Variants in LHFPL3 observed in about 807,000 individuals in gnomAD.
LHFPL3 encodes the protein LHFPL tetraspan subfamily member 3 protein.
LHFPL3 carries 5 observed loss-of-function variants against 19.3 expected under a neutral mutation model. The observed-to-expected ratio is 0.26, with a 90% CI of 0.14 to 0.54. The LOEUF is 0.54. Among genes scored for constraint, LHFPL3 ranks in the 20% least tolerant of loss-of-function variants. The probability of loss-of-function intolerance (pLI) is 0.94; values close to 1 mark genes in which losing one functional copy is unlikely to be tolerated. For synonymous variants in LHFPL3, 133 were observed against 126.2 expected (o/e 1.05, Z -0.36); for missense variants, 249 against 307.4 (o/e 0.81, Z 1.42).
intron 1 of LHFPL3, among the ~76,000 whole-genome samples, chr7:104,350,454 T>G (rs942031751): frequency 6.6e-6 from 1 of 152,204 alleles, no homozygotes; most frequent in South Asian, 2.1e-4. Context: ...GGGACTAGTA[T>G]AGAGAGTCTA....
chr7:104,522,506 T>C (rs910123845), intron 1 of LHFPL3, among the ~76,000 whole-genome samples: 1 of 151,998 alleles, frequency 6.6e-6, no homozygotes, highest in African/African-American at 2.4e-5. Context: ...CTGCACATTG[T>C]GCACATGTAC....
At chr7:104,769,618 A>ACCCCCCC (rs1220178079) in intron 2 of LHFPL3, among the ~76,000 whole-genome samples, 2 of 148,052 alleles carry the variant, frequency 1.4e-5, no homozygotes, top group African/African-American at 2.5e-5. Flanking sequence ...AGCCCCCCCA[A>ACCCCCCC]CCCCCGACAG....
chr7:104,751,075 C>T (rs1455417710), intron 2 of LHFPL3, among the ~76,000 whole-genome samples: 3 of 136,786 alleles, frequency 2.2e-5, no homozygotes, highest in Non-Finnish European at 4.7e-5. Flanking sequence ...ACTTGTCCTC[C>T]TAAAACAACT....
At chr7:104,595,451 G>C (rs1014156812) in intron 1 of LHFPL3, among the ~76,000 whole-genome samples, 2 of 152,192 alleles carry the variant, frequency 1.3e-5, no homozygotes. Context: ...CAGAGAGGCA[G>C]CTGCCTATAT....
chr7:104,891,774 A>G (rs537790428), intron 2 of LHFPL3, among the ~76,000 whole-genome samples: 2 of 152,320 alleles, frequency 1.3e-5, no homozygotes, highest in East Asian at 3.9e-4. Context: ...TGCTGCTAGG[A>G]GCATTATTTG....
intron 1 of LHFPL3, among the ~76,000 whole-genome samples, chr7:104,477,576 C>A (rs1793046097): frequency 6.6e-6 from 1 of 151,922 alleles, no homozygotes; most frequent in African/African-American, 2.4e-5. Flanking sequence ...TAGAGGGGAA[C>A]AACACACACG....
At chr7:104,684,025 T>A (rs1412785500) in intron 1 of LHFPL3, among the ~76,000 whole-genome samples, 2 of 152,250 alleles carry the variant, frequency 1.3e-5, no homozygotes, top group African/African-American at 4.8e-5. Flanking sequence ...ATATCAGGAT[T>A]ACTTTTAAAA....
intron 1 of LHFPL3, among the ~76,000 whole-genome samples, chr7:104,385,393 TTG>T (rs34648970): frequency 7.5e-5 from 4 of 53,292 alleles, no homozygotes; most frequent in Admixed American, 2.9e-4. Flanking sequence ...GGCATTCTGA[TTG>T]ATATCTGAGC....
intron 1 of LHFPL3, among the ~76,000 whole-genome samples, chr7:104,614,680 C>CTTCCTTCCTTCCTTCTTTCTTTCT (rs767634683): frequency 1.1e-4 from 10 of 94,484 alleles, no homozygotes; most frequent in South Asian, 7.6e-4. Context: ...TCCTTCCTTC[C>CTTCCTTCCTTCCTTCTTTCTTTCT]TTCTTTCTTT....
At chr7:104,338,101 T>TTTTTC (rs1789868863) in intron 1 of LHFPL3, among the ~76,000 whole-genome samples, 1 of 134,626 alleles carries the variant, frequency 7.4e-6, no homozygotes, top group Non-Finnish European at 1.6e-5. Context: ...TTCTTTTTTT[T>TTTTTC]TTTTTTTTTT....
At chr7:104,687,733 A>G (rs1430836539) in intron 1 of LHFPL3, among the ~76,000 whole-genome samples, 1 of 152,238 alleles carries the variant, frequency 6.6e-6, no homozygotes, top group Non-Finnish European at 1.5e-5. Context: ...AAGCCAGAGC[A>G]TCTCAACAGG....
chr7:104,431,145 T>G (rs1791996003), intron 1 of LHFPL3, among the ~76,000 whole-genome samples: 1 of 146,700 alleles, frequency 6.8e-6, no homozygotes, highest in South Asian at 2.1e-4. Flanking sequence ...AACAGCTTTC[T>G]ATATTTGCTG....
rs1197469299 is a variant in LHFPL3 at position 104,328,850 on chromosome 7, T to C, written c.71T>C (p.Leu24Pro). ...AMLPAQEAAKLYHTNYVRNSR... is the reference protein window; with the variant it reads ...AMLPAQEAAKPYHTNYVRNSR... ...CTCCCGGCTCAGGAGGCTGCCAAGCTGTACCACACCAACTATGTGCGGAAC... is the reference window on the plus strand; with the variant it reads ...CTCCCGGCTCAGGAGGCTGCCAAGCCGTACCACACCAACTATGTGCGGAAC... The change falls in exon 1 of 3, where the codon CTG (leucine) becomes CCG (proline). Residue 24 changes from leucine to proline, a missense_variant. Transcript: ENST00000424859. The surrounding 1 kb of genome is among the most constrained non-coding windows in gnomAD (Gnocchi z 4.6). 1.3e-5 allele frequency: 21 copies of C among 1,614,156 alleles called. No homozygotes were observed. Among genetic ancestry groups the C allele is most frequent in the Non-Finnish European group, 1.8e-5 (21 of 1,180,016 alleles).
chr7:104,692,342 T>C (rs993631840), intron 1 of LHFPL3, among the ~76,000 whole-genome samples: 2 of 152,224 alleles, frequency 1.3e-5, no homozygotes, highest in African/African-American at 4.8e-5. Context: ...AAGAGCCAAA[T>C]GTTAATCACC....
rs77659357 is a variant in LHFPL3, at chr7:104,889,268, G to A, written c.683-16919G>A. On this transcript the variant is annotated intron_variant, in intron 2 of 2. Coordinates refer to ENST00000424859, the MANE Select transcript of LHFPL3 (RefSeq NM_199000.3). Reference sequence around the variant, plus strand: ...CAGCTTGTCTCCAGGGAGTAAGACCGGGTATGAGAAGGGATGAAGTGGGGT... The same window carrying A: ...CAGCTTGTCTCCAGGGAGTAAGACCAGGTATGAGAAGGGATGAAGTGGGGT... Among the ~76,000 whole-genome samples, 1,420 of 152,292 alleles carry A rather than the reference G, an allele frequency of 9.3e-3. 17 individuals carry two copies. Among genetic ancestry groups the A allele is most frequent in the African/African-American group, 0.032 (1,322 of 41,554 alleles).
At chr7:104,809,321 C>G (rs920806720) in intron 2 of LHFPL3, among the ~76,000 whole-genome samples, 1 of 152,156 alleles carries the variant, frequency 6.6e-6, no homozygotes, top group Non-Finnish European at 1.5e-5. Context: ...CTGAGACAGG[C>G]AGGGGTGGTA....
chr7:104,658,459 T>A (rs571776338), intron 1 of LHFPL3, among the ~76,000 whole-genome samples: 1 of 152,334 alleles, frequency 6.6e-6, no homozygotes, highest in East Asian at 1.9e-4. Flanking sequence ...TCAGAATTCC[T>A]ATAGATTGCA....
At position 104,420,554 on chromosome 7, in the gene LHFPL3, AT is replaced by A. The variant is rs71153195; in HGVS notation, c.445+91353del. 8.9e-4 allele frequency among the ~76,000 whole-genome samples: 100 copies of A among 112,700 alleles called. 1 individual carries two copies. Among genetic ancestry groups the A allele is most frequent in the African/African-American group, 2.7e-3 (81 of 30,044 alleles). 73.9% of individuals were successfully genotyped at this position (112,700 alleles called of 152,430 possible). ...TTACTGGTGGCCTCCCAAAGGGTGA[AT>A]TTTTTTTTTTTTTTTTTTTTTTGAG... On this transcript the variant is annotated intron_variant, in intron 1 of 2. Transcript: ENST00000424859.
chr7:104,415,505 A>C (rs569476367), intron 1 of LHFPL3, among the ~76,000 whole-genome samples: 1 of 152,142 alleles, frequency 6.6e-6, no homozygotes, highest in South Asian at 2.1e-4. Flanking sequence ...AAAATTAATA[A>C]TATTATATAA....
Sources: allele counts gnomAD v4.1 joint callset (sites outside exome capture counted in the v4.1 genomes callset), GRCh38; gene constraint gnomAD v4.1.1; non-coding constraint Gnocchi (gnomAD v3.1); transcripts MANE v1.5; gene names NCBI Gene and HGNC (gene_info 2026-07-23, HGNC 2026-07-21).